NELL2: variants seen among roughly 807,000 people sequenced by gnomAD.
NELL2 encodes the protein neural EGFL like 2.
Under a neutral mutation model 109.6 loss-of-function variants are expected in NELL2, and 41 were observed. The observed-to-expected ratio is 0.37, with a 90% CI of 0.29 to 0.49. The LOEUF is 0.49. Ranked by LOEUF, NELL2 falls within the 20% of genes least tolerant of loss-of-function variation. NELL2 has a pLI of 0.98. For synonymous variants in NELL2, 355 were observed against 344.7 expected (o/e 1.03, Z -0.33); for missense variants, 900 against 1,008.3 (o/e 0.89, Z 1.45).
At chr12:44,800,326 T>C (rs1475466368) in intron 3 of NELL2, among the ~76,000 whole-genome samples, 1 of 152,120 alleles carries the variant, frequency 6.6e-6, no homozygotes, top group Admixed American at 6.6e-5. Flanking sequence ...TTTGGCGATA[T>C]CTTAAAATCC....
At position 44,818,759 on chromosome 12, in the gene NELL2, G is replaced by A. The variant is rs553855649; in HGVS notation, c.185-2623C>T. 5.2e-4 allele frequency among the ~76,000 whole-genome samples: 56 copies of A among 107,604 alleles called. 2 individuals are homozygous for A. Among genetic ancestry groups the A allele is most frequent in the Middle Eastern group, 8.1e-3 (1 of 124 alleles). The allele number at this position is 107,604 out of a possible 152,430, so 70.6% of individuals were successfully genotyped here. A position where few individuals can be genotyped will look rare whatever the true frequency, so the allele number is the denominator to read the frequency against. ...TTTTTATTTTTTTTTTTTTTGAGAC[G>A]GAGTCTCGCTCTGTCGCCCAGGCCG... On this transcript the variant is annotated intron_variant, in intron 2 of 19. Transcript: ENST00000429094.
rs1323432458 is a variant in NELL2, at chr12:44,875,822, G to C, written c.48C>G (p.Leu16=). 6.8e-6 allele frequency: 11 copies of C among 1,613,684 alleles called. No homozygotes were observed. Among genetic ancestry groups the C allele is most frequent in the Non-Finnish European group, 8.5e-6 (10 of 1,180,024 alleles). ...LLRTFCLIFG[L]GAVWGLGVDP... Reference sequence around the variant, plus strand: ...AGCTCTGCGGCCACTCACCTGCTCCGAGACCGAAGATCAAACAGAATGTTC... The same window carrying C: ...AGCTCTGCGGCCACTCACCTGCTCCCAGACCGAAGATCAAACAGAATGTTC... Residue 16 remains leucine, a synonymous_variant, in exon 1 of 20, where the codon CTC becomes CTG. Coordinates refer to ENST00000429094, the MANE Select transcript of NELL2 (RefSeq NM_001145108.2).
At chr12:44,848,974 T>A (rs1944454147) in intron 2 of NELL2, among the ~76,000 whole-genome samples, 1 of 152,184 alleles carries the variant, frequency 6.6e-6, no homozygotes, top group African/African-American at 2.4e-5. Context: ...TTCAGTGAAC[T>A]CATTTACATT....
chr12:44,821,787 G>C (rs749503122), intron 2 of NELL2, among the ~76,000 whole-genome samples: 1 of 151,580 alleles, frequency 6.6e-6, no homozygotes, highest in Admixed American at 6.6e-5. Context: ...ATGCAATCTC[G>C]GCTCACTGCA....
intron 13 of NELL2, among the ~76,000 whole-genome samples, chr12:44,611,849 C>T (rs1219744110): frequency 6.6e-6 from 1 of 151,932 alleles, no homozygotes; most frequent in African/African-American, 2.4e-5. Flanking sequence ...CATGAGAAAG[C>T]AAACAAATCT....
At chr12:44,818,020 G>A (rs1317749993) in intron 2 of NELL2, among the ~76,000 whole-genome samples, 2 of 152,172 alleles carry the variant, frequency 1.3e-5, no homozygotes, top group African/African-American at 4.8e-5. Flanking sequence ...CTCTCCTGTT[G>A]CCGAAAAGAA....
rs1303576906 is a variant in NELL2, at chr12:44,522,183, G to A, written c.1999-7C>T. 7 of 1,606,298 alleles carry A rather than the reference G, an allele frequency of 4.4e-6. No individual in the cohort carries two copies. The East Asian group carries it at 1.1e-4, about 26-fold the overall frequency. Reference sequence around the variant, plus strand: ...GACACATAACGAATCCATTCTGTATGAAAAAGAAAAAAAGCAGTTACCAAA... The same window carrying A: ...GACACATAACGAATCCATTCTGTATAAAAAAGAAAAAAAGCAGTTACCAAA... On this transcript the variant is annotated splice_polypyrimidine_tract_variant and splice_region_variant and intron_variant, in intron 17 of 19. Coordinates refer to ENST00000429094, the MANE Select transcript of NELL2 (RefSeq NM_001145108.2).
chr12:44,841,954 T>A (rs1003319908), intron 2 of NELL2, among the ~76,000 whole-genome samples: 1 of 149,264 alleles, frequency 6.7e-6, no homozygotes. Flanking sequence ...TGACAGAAAA[T>A]AAAAAAGAAA....
intron 1 of NELL2, among the ~76,000 whole-genome samples, chr12:44,911,117 C>T (rs539256630): frequency 6.6e-6 from 1 of 152,060 alleles, no homozygotes; most frequent in Admixed American, 6.6e-5. Flanking sequence ...AACAAATCTG[C>T]ACGTGTACTC....
At chr12:44,641,057 T>C (rs759864875) in intron 13 of NELL2, among the ~76,000 whole-genome samples, 1 of 152,126 alleles carries the variant, frequency 6.6e-6, no homozygotes, top group Non-Finnish European at 1.5e-5. Context: ...GCTAGCTCCA[T>C]GCAAAGCCCT....
chr12:44,566,743 C>T (rs905452143), intron 15 of NELL2, among the ~76,000 whole-genome samples: 30 of 152,064 alleles, frequency 2.0e-4, no homozygotes, highest in African/African-American at 6.5e-4. Flanking sequence ...TCTATACAAA[C>T]AAGAACAATT....
intron 15 of NELL2, among the ~76,000 whole-genome samples, chr12:44,587,305 A>ATTTTTT (rs1469511714): frequency 8.5e-6 from 1 of 118,122 alleles, no homozygotes; most frequent in African/African-American, 3.8e-5. Flanking sequence ...ATATATATAT[A>ATTTTTT]TATTTTTTTT....
At chr12:44,852,956 T>C (rs956855919) in intron 2 of NELL2, among the ~76,000 whole-genome samples, 1 of 152,096 alleles carries the variant, frequency 6.6e-6, no homozygotes, top group Non-Finnish European at 1.5e-5. Context: ...GTAGCAACTT[T>C]TAAAAAATTG....
At chr12:44,739,779 T>C (rs1456904967) in intron 9 of NELL2, among the ~76,000 whole-genome samples, 1 of 152,068 alleles carries the variant, frequency 6.6e-6, no homozygotes, top group African/African-American at 2.4e-5. Context: ...TAATCACAGC[T>C]ACTCAGGAGA....
At chr12:44,600,391 A>G (rs1945174361) in intron 15 of NELL2, among the ~76,000 whole-genome samples, 1 of 152,058 alleles carries the variant, frequency 6.6e-6, no homozygotes, top group Non-Finnish European at 1.5e-5. Flanking sequence ...CTTCAAGAAG[A>G]AAGAAATGAA....
At chr12:44,907,105 C>T (rs1157286047) in intron 1 of NELL2, among the ~76,000 whole-genome samples, 1 of 152,004 alleles carries the variant, frequency 6.6e-6, no homozygotes, top group East Asian at 1.9e-4. Flanking sequence ...TCCTTCCTGC[C>T]ACCATGTGAA....
chr12:44,715,939 G>A (rs149950840), intron 9 of NELL2, among the ~76,000 whole-genome samples: 204 of 152,068 alleles, frequency 1.3e-3, no homozygotes, highest in African/African-American at 4.5e-3. Flanking sequence ...GAAGAAAGTA[G>A]ACATATTTTT....
chr12:44,646,286 C>A (rs966054427), intron 13 of NELL2, among the ~76,000 whole-genome samples: 6 of 152,130 alleles, frequency 3.9e-5, no homozygotes, highest in Non-Finnish European at 8.8e-5. Flanking sequence ...CAAAAGGTCA[C>A]ACAGTTAATA....
intron 1 of NELL2, among the ~76,000 whole-genome samples, chr12:44,905,137 G>A (rs1945705653): frequency 3.3e-5 from 5 of 152,030 alleles, no homozygotes; most frequent in Non-Finnish European, 4.4e-5. Flanking sequence ...ATTTCTTTGA[G>A]CATCATGTCA....
Sources: allele counts gnomAD v4.1 joint callset (sites outside exome capture counted in the v4.1 genomes callset), GRCh38; gene constraint gnomAD v4.1.1; transcripts MANE v1.5; gene names NCBI Gene and HGNC (gene_info 2026-07-23, HGNC 2026-07-21).